The following TPPP variants were observed in gnomAD, a reference collection of about 807,000 sequenced individuals.
TPPP encodes tubulin polymerization-promoting protein.
A neutral mutation model predicts 15.5 loss-of-function variants in TPPP; 6 were observed. The ratio of observed to expected loss-of-function variants is 0.39; its 90% CI spans 0.21 to 0.77. The LOEUF is 0.77. Among genes scored for constraint, TPPP ranks in the 30% least tolerant of loss-of-function variants. The pLI, the probability that TPPP is intolerant of heterozygous loss-of-function variation, is 0.42. For synonymous variants in TPPP, 146 were observed against 133.9 expected, an observed-to-expected ratio of 1.09 and a Z score of -0.63; for missense variants, 269 against 307.2, an observed-to-expected ratio of 0.88 and a Z score of 0.93.
intron 2 of TPPP, 34 bp downstream of exon 2, chr5:677,716 C>G: frequency 6.6e-7 from 1 of 1,517,812 alleles, no homozygotes; most frequent in Non-Finnish European, 8.8e-7. Context: ...CCCCGTAAGT[C>G]AGGTCCCTCG....
intron 1 of TPPP, among the ~76,000 whole-genome samples, chr5:682,847 G>T (rs1339505679): frequency 6.6e-6 from 1 of 152,234 alleles, no homozygotes; most frequent in Non-Finnish European, 1.5e-5. Flanking sequence ...TGGTGGACAG[G>T]CTGTGCTCAC....
chr5:685,379 T>C (rs899524876), intron 1 of TPPP, among the ~76,000 whole-genome samples: 4 of 152,220 alleles, frequency 2.6e-5, no homozygotes, highest in African/African-American at 7.2e-5. Context: ...ACCACACTTC[T>C]ATCCTGGTCG....
intron 2 of TPPP, among the ~76,000 whole-genome samples, chr5:671,808 C>T (rs983476975): frequency 7.2e-5 from 11 of 152,328 alleles, no homozygotes; most frequent in South Asian, 6.2e-4. Context: ...GCTCCAGAGC[C>T]GCCGAGTGCA....
At chr5:681,413 A>C (rs1162316941) in intron 1 of TPPP, among the ~76,000 whole-genome samples, 1 of 151,906 alleles carries the variant, frequency 6.6e-6, no homozygotes, top group African/African-American at 2.4e-5. Flanking sequence ...GCCTGTGCCC[A>C]CCATCCCACA....
At chr5:697,732 G>T (rs1741039991), upstream of TPPP, among the ~76,000 whole-genome samples, 1 of 151,856 alleles carries the variant, frequency 6.6e-6, no homozygotes, top group Non-Finnish European at 1.5e-5. Context: ...GGACTAGATG[G>T]ATTCACAGCC....
At chr5:683,236 C>T (rs1295522963) in intron 1 of TPPP, among the ~76,000 whole-genome samples, 1 of 152,212 alleles carries the variant, frequency 6.6e-6, no homozygotes, top group African/African-American at 2.4e-5. Flanking sequence ...ATCTCCCTCG[C>T]ACCCGATGGC....
chr5:698,428 A>T, the TPPP span, among the ~76,000 whole-genome samples: 2 of 152,050 alleles, frequency 1.3e-5, no homozygotes, highest in African/African-American at 2.4e-5. Flanking sequence ...GAAGACTTGT[A>T]TCACTGCTGG....
intron 2 of TPPP, 123 bp from the exon 3 acceptor site, chr5:666,246 G>A (rs1739908323): frequency 2.3e-5 from 26 of 1,143,796 alleles, no homozygotes; most frequent in East Asian, 4.9e-5. Context: ...ACCCACAGGC[G>A]GCCGCCCTGG....
In TPPP at chr5:692,411, A is replaced by T. The variant is rs1346102226; in HGVS notation, c.-5+867T>A. 3 of 437,016 alleles carry T rather than the reference A, an allele frequency of 6.9e-6. No individual in the cohort carries two copies. In the Admixed American group the frequency reaches 2.7e-4, roughly 39 times the overall value. The allele number at this position is 437,016 out of a possible 1,614,324, so 27.1% of individuals were successfully genotyped here. A position where few individuals can be genotyped will look rare whatever the true frequency, so the allele number is the denominator to read the frequency against. On this transcript the variant is annotated intron_variant, in intron 1 of 3. Coordinates refer to ENST00000360578, the MANE Select transcript of TPPP (RefSeq NM_007030.3). ...CAGCAGCCCCCCAAACCCCTATCAA[A>T]ACAGCAGCCCCCAACCCCGTATCAA... is the stretch of plus-strand genomic sequence containing the variant.
At chr5:675,143 G>GTGGCCAGGGGTGCAATT in intron 2 of TPPP, among the ~76,000 whole-genome samples, 1 of 143,876 alleles carries the variant, frequency 7.0e-6, no homozygotes, top group African/African-American at 2.6e-5. Context: ...GGGGTGCAGT[G>GTGGCCAGGGGTGCAATT]TGGCCAGGGG....
At chr5:677,483 C>A (rs1740488684) in intron 2 of TPPP, among the ~76,000 whole-genome samples, 1 of 152,228 alleles carries the variant, frequency 6.6e-6, no homozygotes, top group Admixed American at 6.5e-5. Context: ...ATGCCGAAAC[C>A]CTACACACCC....
chr5:677,746 T>G lies in TPPP; in HGVS notation c.311+4A>C. 1 of 1,549,530 alleles carries G rather than the reference T, an allele frequency of 6.5e-7. No individual in the cohort carries two copies. The highest frequency in any genetic ancestry group is 1.2e-5 in the South Asian group (1 of 82,026). The stretch of plus-strand genomic sequence containing the variant: ...CCCTCGGCCCGTGAGCCCAGCGCAC[T>G]CACTTGATCTTGCTGAAGACGATGT... On this transcript the variant is annotated splice_donor_region_variant and intron_variant, in intron 2 of 3. Coordinates refer to ENST00000360578, the MANE Select transcript of TPPP (RefSeq NM_007030.3).
intron 2 of TPPP, among the ~76,000 whole-genome samples, chr5:670,560 G>A (rs571326911): frequency 9.2e-5 from 14 of 152,192 alleles, no homozygotes; most frequent in East Asian, 3.9e-4. Flanking sequence ...TGGGCCCCAC[G>A]GGGGGAGGGG....
Position 675,648 on chromosome 5 carries a change from C to T in TPPP, c.311+2102G>A, listed in dbSNP as rs141328312. Among the ~76,000 whole-genome samples the T allele has an allele frequency of 3.7e-3, 564 of 151,978 alleles. 3 individuals are homozygous for T. Among genetic ancestry groups the T allele is most frequent in the Non-Finnish European group, 5.9e-3 (398 of 67,892 alleles). On this transcript the variant is annotated intron_variant, in intron 2 of 3. Coordinates refer to ENST00000360578, the MANE Select transcript of TPPP (RefSeq NM_007030.3). Reference sequence around the variant, plus strand: ...AGTGCCAGAGGTGCAGGCTGTTGGACGGACCCTCGAGGGCTGAGCCCCAGC... The same window carrying T: ...AGTGCCAGAGGTGCAGGCTGTTGGATGGACCCTCGAGGGCTGAGCCCCAGC...
chr5:665,997 G>C lies in TPPP; in HGVS notation c.438C>G (p.Gly146=), dbSNP rs1182493645. 1 of 1,583,862 alleles carries C rather than the reference G, an allele frequency of 6.3e-7. No individual in the cohort carries two copies. Among genetic ancestry groups the C allele is most frequent in the African/African-American group, 1.4e-5 (1 of 70,492 alleles). The change falls in exon 3 of 4, where the codon GGC becomes GGG. Residue 146 remains glycine (G), a synonymous_variant. Transcript: ENST00000360578. The part of the protein sequence containing the change: ...AVREVHRLIE[G]KAPIISGVTK... ...TCACCCCTGAGATGATGGGCGCCTT[G>C]CCCTCGATGAGCCTGTGCACCTCGC...
chr5:667,939 G>T (rs77903458), intron 2 of TPPP, among the ~76,000 whole-genome samples: 12 of 59,412 alleles, frequency 2.0e-4, no homozygotes, highest in African/African-American at 3.9e-4. Flanking sequence ...CAGAGAGGGG[G>T]CCGTGTGGGC....
intron 2 of TPPP, among the ~76,000 whole-genome samples, chr5:672,510 G>A (rs1030911059): frequency 2.6e-5 from 4 of 152,246 alleles, no homozygotes; most frequent in Non-Finnish European, 5.9e-5. Flanking sequence ...CTGCCTCATC[G>A]GCTGGGTGCC....
In TPPP at chr5:661,312, T is replaced by TGTCCCTCTCTCCTGG. The variant is rs1561074365; in HGVS notation, c.*3789_*3790insCCAGGAGAGAGGGAC. The TGTCCCTCTCTCCTGG allele has an allele frequency of 1.8e-5, 1 of 55,182 alleles. No individual in the cohort carries two copies. The highest frequency in any genetic ancestry group is 4.2e-5 in the Non-Finnish European group (1 of 23,588). The allele number at this position is 55,182 out of a possible 1,614,324, so 3.4% of individuals were successfully genotyped here. A position where few individuals can be genotyped will look rare whatever the true frequency, so the allele number is the denominator to read the frequency against. ...CGACAGAACCTGTCCCTGTCTCCTC[T>TGTCCCTCTCTCCTGG]TGTCACCCCCAACAGAACCTGTCCC... On this transcript the variant is annotated 3_prime_UTR_variant, in exon 4 of 4. Coordinates refer to ENST00000360578, the MANE Select transcript of TPPP (RefSeq NM_007030.3).
chr5:677,099 A>G (rs1396449122), intron 2 of TPPP, among the ~76,000 whole-genome samples: 1 of 152,224 alleles, frequency 6.6e-6, no homozygotes, highest in African/African-American at 2.4e-5. Flanking sequence ...GAAAAAGCAA[A>G]CGGCACGATG....
Sources: allele counts gnomAD v4.1 joint callset (sites outside exome capture counted in the v4.1 genomes callset), GRCh38; gene constraint gnomAD v4.1.1; transcripts MANE v1.5; gene names NCBI Gene and HGNC (gene_info 2026-07-23, HGNC 2026-07-21).